NPAS2: variants seen among roughly 807,000 people sequenced by gnomAD.
NPAS2 encodes neuronal PAS domain-containing protein 2.
A neutral mutation model predicts 107.5 loss-of-function variants in NPAS2; 23 were observed. That is an observed-to-expected ratio of 0.21 (90% CI 0.15 to 0.30). The LOEUF (loss-of-function observed/expected upper bound fraction) is 0.30, where lower values mean the gene tolerates loss of function less well. Ranked by LOEUF, NPAS2 falls within the 10% of genes least tolerant of loss-of-function variation. The pLI is 1.00. For synonymous variants in NPAS2, 403 were observed against 417.5 expected, an observed-to-expected ratio of 0.97 and a Z score of 0.42; for missense variants, 756 against 1,043.3, an observed-to-expected ratio of 0.72 and a Z score of 3.79.
At chr2:100,987,855 A>T (rs527639878) in intron 16 of NPAS2, 1 of 592,636 alleles carries the variant, frequency 1.7e-6, no homozygotes, top group Admixed American at 3.0e-5. Flanking sequence ...TGTAACCTTC[A>T]TGAAGGCAGA....
intron 1 of NPAS2, among the ~76,000 whole-genome samples, chr2:100,871,855 G>GTAAGGGT (rs1291299747): frequency 1.3e-5 from 2 of 152,100 alleles, no homozygotes; most frequent in Non-Finnish European, 2.9e-5. Context: ...ACTTAATTTA[G>GTAAGGGT]TTAGACGCTT....
chr2:100,988,422 G>A, intron 17 of NPAS2, 146 bp downstream of exon 17: 1 of 671,346 alleles, frequency 1.5e-6, no homozygotes, highest in Non-Finnish European at 2.5e-6. Flanking sequence ...TTGGGAGTGA[G>A]CCTTCTTTTC....
intron 1 of NPAS2, among the ~76,000 whole-genome samples, chr2:100,849,452 C>G (rs542808181): frequency 6.6e-6 from 1 of 152,062 alleles, no homozygotes; most frequent in Non-Finnish European, 1.5e-5. Flanking sequence ...GCAGTGTTTG[C>G]GCAGTTGGTT....
chr2:100,947,571 T>G (rs1674979878), intron 5 of NPAS2, among the ~76,000 whole-genome samples: 1 of 133,532 alleles, frequency 7.5e-6, no homozygotes, highest in African/African-American at 2.8e-5. Flanking sequence ...AAAAACAAAT[T>G]AAAATTCAGT....
intron 1 of NPAS2, among the ~76,000 whole-genome samples, chr2:100,839,781 AT>A (rs1677280594): frequency 6.6e-6 from 1 of 152,072 alleles, no homozygotes; most frequent in South Asian, 2.1e-4. Context: ...TTTTATTTTT[AT>A]CAAAAATTGC....
At chr2:100,866,856 G>A (rs188753247) in intron 1 of NPAS2, among the ~76,000 whole-genome samples, 14 of 152,340 alleles carry the variant, frequency 9.2e-5, no homozygotes, top group African/African-American at 3.1e-4. Flanking sequence ...CATTTTAGGA[G>A]TTGTAGCTTC....
At chr2:100,838,383 T>C (rs1316853747) in intron 1 of NPAS2, among the ~76,000 whole-genome samples, 1 of 152,144 alleles carries the variant, frequency 6.6e-6, no homozygotes, top group Non-Finnish European at 1.5e-5. Flanking sequence ...GTTCACACGA[T>C]TCTTCTGCCT....
intron 1 of NPAS2, among the ~76,000 whole-genome samples, chr2:100,829,154 G>A (rs72816910): frequency 0.017 from 2,573 of 151,008 alleles, 23 homozygotes; most frequent in Non-Finnish European, 0.027. Flanking sequence ...TATTTTAATG[G>A]CTGCTGCAAA....
intron 2 of NPAS2, among the ~76,000 whole-genome samples, chr2:100,914,551 T>C (rs1050976211): frequency 3.9e-5 from 6 of 152,186 alleles, no homozygotes; most frequent in Non-Finnish European, 8.8e-5. Context: ...TCGTCTGTCA[T>C]TCTCTTTGTT....
At chr2:100,907,650 A>G (rs1682251646) in intron 2 of NPAS2, among the ~76,000 whole-genome samples, 1 of 152,152 alleles carries the variant, frequency 6.6e-6, no homozygotes, top group Non-Finnish European at 1.5e-5. Flanking sequence ...GAGATTAGAA[A>G]TGTTTAACTT....
intron 2 of NPAS2, among the ~76,000 whole-genome samples, chr2:100,918,922 A>G (rs896758880): frequency 6.6e-6 from 1 of 152,222 alleles, no homozygotes; most frequent in Non-Finnish European, 1.5e-5. Context: ...AAACACGTTC[A>G]CTGAAAAACC....
At chr2:100,881,181 C>G (rs1459624809) in intron 1 of NPAS2, among the ~76,000 whole-genome samples, 2 of 152,228 alleles carry the variant, frequency 1.3e-5, no homozygotes, top group Non-Finnish European at 2.9e-5. Flanking sequence ...CCCTCCCATC[C>G]TACCTCGGCC....
intron 2 of NPAS2, among the ~76,000 whole-genome samples, chr2:100,915,168 C>T (rs1682798886): frequency 6.6e-6 from 1 of 151,438 alleles, no homozygotes; most frequent in South Asian, 2.1e-4. Context: ...CATCAGAATC[C>T]ACATGAAACC....
chr2:100,975,243 C>T, intron 13 of NPAS2: 1 of 591,748 alleles, frequency 1.7e-6, no homozygotes, highest in Non-Finnish European at 3.0e-6. Context: ...TTGGACCAAG[C>T]AGCCGAAATG....
intron 1 of NPAS2, among the ~76,000 whole-genome samples, chr2:100,830,490 G>A (rs1676664989): frequency 9.9e-6 from 1 of 100,784 alleles, no homozygotes; most frequent in South Asian, 3.2e-4. Flanking sequence ...CCCCACAACA[G>A]GCCCTGGTGT....
intron 19 of NPAS2, among the ~76,000 whole-genome samples, chr2:100,991,562 A>C (rs1202930932): frequency 6.6e-6 from 1 of 152,114 alleles, no homozygotes; most frequent in Admixed American, 6.5e-5. Flanking sequence ...CCTCATGTAG[A>C]AGCCTCGCAG....
intron 7 of NPAS2, among the ~76,000 whole-genome samples, chr2:100,958,519 C>T (rs969076234): frequency 7.9e-5 from 12 of 152,166 alleles, no homozygotes; most frequent in Non-Finnish European, 1.8e-4. Flanking sequence ...GGCCGTCCTT[C>T]CCCTGCAGGG....
intron 7 of NPAS2, among the ~76,000 whole-genome samples, chr2:100,952,478 T>C (rs575952265): frequency 6.6e-6 from 1 of 152,054 alleles, no homozygotes; most frequent in African/African-American, 2.4e-5. Context: ...GCAGGAGAAT[T>C]ACTTGAACCT....
intron 15 of NPAS2, among the ~76,000 whole-genome samples, chr2:100,978,670 C>T (rs1165612049): frequency 6.6e-6 from 1 of 152,156 alleles, no homozygotes; most frequent in African/African-American, 2.4e-5. Flanking sequence ...GTAAGTCAGC[C>T]CTTGCTTTTA....
Sources: allele counts gnomAD v4.1 joint callset (sites outside exome capture counted in the v4.1 genomes callset), GRCh38; gene constraint gnomAD v4.1.1; transcripts MANE v1.5; gene names NCBI Gene and HGNC (gene_info 2026-07-23, HGNC 2026-07-21).